Variants in LRRTM4 observed in about 807,000 individuals in gnomAD.
LRRTM4 encodes leucine rich repeat transmembrane neuronal 4.
LRRTM4 carries 25 observed loss-of-function variants against 47.6 expected under a neutral mutation model. That is an observed-to-expected ratio of 0.53 (90% CI 0.38 to 0.73). The LOEUF (loss-of-function observed/expected upper bound fraction) is 0.73, where lower values mean the gene tolerates loss of function less well. LRRTM4 is among the 30% of genes least tolerant of loss of function. The pLI is 0.00. For synonymous variants in LRRTM4, 311 were observed against 269.5 expected (o/e 1.15, Z -1.51); for missense variants, 638 against 713.4 (o/e 0.89, Z 1.20).
chr2:77,359,102 T>C (rs1672081087), intron 3 of LRRTM4, among the ~76,000 whole-genome samples: 1 of 152,204 alleles, frequency 6.6e-6, no homozygotes, highest in Admixed American at 6.5e-5. Flanking sequence ...TCTTACATAA[T>C]AAATGTATGA....
chr2:77,006,807 A>T (rs1180367413), intron 3 of LRRTM4, among the ~76,000 whole-genome samples: 2 of 152,172 alleles, frequency 1.3e-5, no homozygotes, highest in South Asian at 2.1e-4. Context: ...AAGACCAGCT[A>T]AGCTTCAGTG....
At chr2:77,448,255 T>TA (rs1282369695) in intron 3 of LRRTM4, among the ~76,000 whole-genome samples, 1 of 152,042 alleles carries the variant, frequency 6.6e-6, no homozygotes, top group Non-Finnish European at 1.5e-5. Flanking sequence ...GACCTCCTGT[T>TA]CAGCACTGTG....
chr2:77,092,028 G>A (rs375727344), intron 3 of LRRTM4, among the ~76,000 whole-genome samples: 3 of 151,922 alleles, frequency 2.0e-5, no homozygotes, highest in African/African-American at 4.8e-5. Flanking sequence ...TGCGTGCAGC[G>A]GCTGCCACTG....
At chr2:77,406,855 T>A (rs1432188645) in intron 3 of LRRTM4, among the ~76,000 whole-genome samples, 1 of 152,116 alleles carries the variant, frequency 6.6e-6, no homozygotes, top group Admixed American at 6.6e-5. Context: ...AGTAATCTTG[T>A]ACCTTAAACA....
chr2:77,452,435 T>C (rs1365418931), intron 3 of LRRTM4, among the ~76,000 whole-genome samples: 1 of 152,132 alleles, frequency 6.6e-6, no homozygotes, highest in Non-Finnish European at 1.5e-5. Flanking sequence ...TTTAATAACA[T>C]TTCTAACAAA....
At chr2:77,138,715 T>C (rs1452493448) in intron 3 of LRRTM4, among the ~76,000 whole-genome samples, 4 of 151,984 alleles carry the variant, frequency 2.6e-5, no homozygotes, top group Non-Finnish European at 5.9e-5. Flanking sequence ...ACAAAATTGA[T>C]AGACCACTAG....
At chr2:76,756,575 A>T (rs2104068710) in intron 3 of LRRTM4, among the ~76,000 whole-genome samples, 1 of 152,252 alleles carries the variant, frequency 6.6e-6, no homozygotes, top group Non-Finnish European at 1.5e-5. Flanking sequence ...TTCCTAAAAC[A>T]AAATCTCTCT....
At chr2:77,424,086 A>G (rs1462291684) in intron 3 of LRRTM4, among the ~76,000 whole-genome samples, 1 of 142,712 alleles carries the variant, frequency 7.0e-6, no homozygotes, top group Non-Finnish European at 1.6e-5. Context: ...ATTTATATCA[A>G]CAACTTTATG....
chr2:76,760,545 C>T (rs1169655052), intron 3 of LRRTM4, among the ~76,000 whole-genome samples: 1 of 151,982 alleles, frequency 6.6e-6, no homozygotes, highest in Non-Finnish European at 1.5e-5. Context: ...TACTGCTACC[C>T]TGGTAGCTGG....
intron 3 of LRRTM4, among the ~76,000 whole-genome samples, chr2:77,495,148 C>T (rs147756536): frequency 6.6e-6 from 1 of 151,928 alleles, no homozygotes; most frequent in African/African-American, 2.4e-5. Flanking sequence ...GCTTTTATGT[C>T]CCTTGGTTAC....
chr2:77,216,955 C>T (rs962148900), intron 3 of LRRTM4, among the ~76,000 whole-genome samples: 3 of 151,740 alleles, frequency 2.0e-5, no homozygotes, highest in Non-Finnish European at 4.4e-5. Flanking sequence ...CACCTGTAGT[C>T]CCAGCTACTC....
At chr2:76,875,974 C>T (rs987572548) in intron 3 of LRRTM4, among the ~76,000 whole-genome samples, 14 of 152,044 alleles carry the variant, frequency 9.2e-5, no homozygotes, top group African/African-American at 3.4e-4. Context: ...ACTTGGGATA[C>T]CAGTTATGGG....
intron 3 of LRRTM4, among the ~76,000 whole-genome samples, chr2:77,069,018 G>T (rs552067358): frequency 6.6e-6 from 1 of 152,062 alleles, no homozygotes; most frequent in East Asian, 1.9e-4. Context: ...CCATCCCTTC[G>T]TTTCCCATAA....
chr2:76,777,381 C>T (rs1345692797), intron 3 of LRRTM4, among the ~76,000 whole-genome samples: 1 of 143,950 alleles, frequency 6.9e-6, no homozygotes, highest in African/African-American at 2.6e-5. Flanking sequence ...TTGATTCTTC[C>T]TACCCATGAG....
At chr2:77,509,803 A>G (rs1678914777) in intron 3 of LRRTM4, among the ~76,000 whole-genome samples, 1 of 152,154 alleles carries the variant, frequency 6.6e-6, no homozygotes, top group South Asian at 2.1e-4. Context: ...TATATCACAG[A>G]AAGGTCAGAT....
At chr2:76,859,156 A>G (rs375260782) in intron 3 of LRRTM4, among the ~76,000 whole-genome samples, 35 of 152,326 alleles carry the variant, frequency 2.3e-4, no homozygotes, top group African/African-American at 8.2e-4. Flanking sequence ...AAAGGACTGA[A>G]AAGTATCATA....
chr2:76,831,265 T>C (rs1225254477), intron 3 of LRRTM4, among the ~76,000 whole-genome samples: 3 of 152,190 alleles, frequency 2.0e-5, no homozygotes, highest in Admixed American at 6.6e-5. Flanking sequence ...TAAATACATA[T>C]AGACTTTGCA....
intron 3 of LRRTM4, among the ~76,000 whole-genome samples, chr2:76,892,793 C>T (rs1172645987): frequency 6.6e-6 from 1 of 151,600 alleles, no homozygotes; most frequent in Non-Finnish European, 1.5e-5. Flanking sequence ...AAGTATGTAT[C>T]ATTTCCCAAA....
chr2:77,085,911 T>A (rs921934639), intron 3 of LRRTM4, among the ~76,000 whole-genome samples: 1 of 152,176 alleles, frequency 6.6e-6, no homozygotes, highest in African/African-American at 2.4e-5. Context: ...ACAAAACTTA[T>A]GTGGGTAATG....
Sources: gnomAD v4.1 joint callset for allele counts (sites outside exome capture counted in the v4.1 genomes callset) on GRCh38, gnomAD v4.1.1 for gene constraint, MANE v1.5 for transcripts, NCBI Gene and HGNC (gene_info 2026-07-23, HGNC 2026-07-21) for gene names.